PARD3B: variants seen among roughly 807,000 people sequenced by gnomAD.
PARD3B encodes the protein partitioning defective 3 homolog B.
A neutral mutation model predicts 130.2 loss-of-function variants in PARD3B; 103 were observed. The ratio of observed to expected loss-of-function variants is 0.79; its 90% CI spans 0.67 to 0.93. The LOEUF (loss-of-function observed/expected upper bound fraction) is 0.93. PARD3B is among the 40% of genes least tolerant of loss of function. The pLI, the probability that PARD3B is intolerant of heterozygous loss-of-function variation, is 0.00. For missense variants in PARD3B, 1,609 were observed against 1,499.2 expected (o/e 1.07, Z -1.21); for synonymous variants, 583 against 553.2 (o/e 1.05, Z -0.76).
chr2:205,185,709 G>T, intron 13 of PARD3B, 55 bp from the exon 14 acceptor site: 1 of 1,449,618 alleles, frequency 6.9e-7, no homozygotes, highest in Non-Finnish European at 9.7e-7. Context: ...ACCAAACCAG[G>T]CATCGAATGG....
At chr2:205,308,619 AC>A (rs1574658698) in intron 18 of PARD3B, among the ~76,000 whole-genome samples, 3 of 148,726 alleles carry the variant, frequency 2.0e-5, no homozygotes, top group African/African-American at 2.5e-5. Flanking sequence ...AAAAAAAAAA[AC>A]CAAACAACAA....
intron 2 of PARD3B, among the ~76,000 whole-genome samples, chr2:204,877,553 T>C (rs2045892447): frequency 6.6e-6 from 1 of 152,144 alleles, no homozygotes; most frequent in African/African-American, 2.4e-5. Context: ...CCAATGCCTA[T>C]ACTGAGAGAA....
In PARD3B at chr2:205,158,719, C is replaced by A. The variant is rs780650990; in HGVS notation, c.1435-3C>A. The A allele has an allele frequency of 1.2e-6, 2 of 1,607,642 alleles. No individual in the cohort carries two copies. Among genetic ancestry groups the A allele is most frequent in the South Asian group, 2.2e-5 (2 of 90,524 alleles). ...ACTCTTTTCATGTGTATTCCCCTAA[C>A]AGAAAGGAGAACCTGACTGCTGTGC... On this transcript the variant is annotated splice_polypyrimidine_tract_variant and splice_region_variant and intron_variant, in intron 10 of 22. Transcript: ENST00000406610. The surrounding 1 kb of genome is among the most constrained non-coding windows in gnomAD (Gnocchi z 5.4).
intron 4 of PARD3B, among the ~76,000 whole-genome samples, chr2:205,053,106 G>C (rs942865736): frequency 6.6e-5 from 10 of 152,058 alleles, no homozygotes; most frequent in African/African-American, 2.4e-4. Context: ...GTCTTGCTAA[G>C]ATAATATGAT....
Position 205,440,079 on chromosome 2 carries a change from A to G in PARD3B, c.2742-291A>G, listed in dbSNP as rs2047658567. Among the ~76,000 whole-genome samples, 1 of 152,118 alleles carries G rather than the reference A, an allele frequency of 6.6e-6. No individual in the cohort carries two copies. The highest frequency in any genetic ancestry group is 2.4e-5 in the African/African-American group (1 of 41,426). On this transcript the variant is annotated intron_variant, in intron 19 of 22. Transcript: ENST00000406610. This position sits in a 1 kb window ranked among gnomAD's most constrained non-coding sequence, Gnocchi z 4.2. ...AAGCACATGCCATCTGTGGGGAGGG[A>G]ATGTGAATGAAAACAGCCTCTGAAG...
intron 22 of PARD3B, among the ~76,000 whole-genome samples, chr2:205,556,208 C>T (rs1270859957): frequency 6.6e-6 from 1 of 152,166 alleles, no homozygotes; most frequent in Non-Finnish European, 1.5e-5. Flanking sequence ...GGAATAAATC[C>T]ATCTGTAGGA....
intron 2 of PARD3B, among the ~76,000 whole-genome samples, chr2:204,795,799 T>C (rs2042352388): frequency 6.6e-6 from 1 of 152,252 alleles, no homozygotes; most frequent in Non-Finnish European, 1.5e-5. Flanking sequence ...TTTTCTTCTA[T>C]TATAATCAAT....
intron 2 of PARD3B, among the ~76,000 whole-genome samples, chr2:204,727,484 ATGTT>A (rs1200450026): frequency 1.4e-4 from 22 of 152,246 alleles, no homozygotes; most frequent in African/African-American, 4.8e-4. Context: ...TGTCTGTGGA[ATGTT>A]TGTTCTGTCA....
At position 205,279,547 on chromosome 2, in the gene PARD3B, T is replaced by C. The variant is rs147125146; in HGVS notation, c.2186-20983T>C. 2.5e-3 allele frequency among the ~76,000 whole-genome samples: 383 copies of C among 152,336 alleles called. 1 individual carries two copies. The highest frequency in any genetic ancestry group is 4.5e-3 in the Non-Finnish European group (303 of 68,034). ...CAAAGGGGAAGCTAAATGGATGTCA[T>C]ACCATTTAGAACAGAGTTTCTCCTT... On this transcript the variant is annotated intron_variant, in intron 16 of 22. Transcript: ENST00000406610.
At chr2:205,216,929 C>T (rs778465144) in intron 15 of PARD3B, among the ~76,000 whole-genome samples, 2 of 152,082 alleles carry the variant, frequency 1.3e-5, no homozygotes, top group Non-Finnish European at 2.9e-5. Context: ...CTTCACTCTG[C>T]CACTCTTGAC....
chr2:204,692,930 C>G (rs1426130986), intron 2 of PARD3B, among the ~76,000 whole-genome samples: 1 of 152,034 alleles, frequency 6.6e-6, no homozygotes, highest in African/African-American at 2.4e-5. Flanking sequence ...TTATAGAACA[C>G]GATGTCTGTA....
chr2:204,613,226 G>A (rs187177819), intron 1 of PARD3B, among the ~76,000 whole-genome samples: 8 of 152,212 alleles, frequency 5.3e-5, no homozygotes. Flanking sequence ...TATTACAAAG[G>A]TTTGAAATTC....
At chr2:205,444,525 TG>T (rs1293303852) in intron 20 of PARD3B, among the ~76,000 whole-genome samples, 2 of 152,144 alleles carry the variant, frequency 1.3e-5, no homozygotes, top group Non-Finnish European at 2.9e-5. Context: ...GAATGATGCG[TG>T]GTAGCAAGTG....
intron 21 of PARD3B, among the ~76,000 whole-genome samples, chr2:205,523,403 C>A (rs1450943197): frequency 6.6e-6 from 1 of 151,646 alleles, no homozygotes; most frequent in African/African-American, 2.4e-5. Context: ...ACCACCATGC[C>A]CAACTAATTT....
chr2:205,239,435 A>G (rs2039252265), intron 15 of PARD3B, among the ~76,000 whole-genome samples: 1 of 152,218 alleles, frequency 6.6e-6, no homozygotes, highest in African/African-American at 2.4e-5. Flanking sequence ...TGTCATTTGT[A>G]TCTCCTCATT....
chr2:205,236,451 A>G (rs2039066897), intron 15 of PARD3B, among the ~76,000 whole-genome samples: 2 of 152,112 alleles, frequency 1.3e-5, no homozygotes, highest in African/African-American at 4.8e-5. Context: ...CACAGATGAA[A>G]GACTGTGTGA....
At chr2:205,028,258 T>G (rs1483636492) in intron 3 of PARD3B, among the ~76,000 whole-genome samples, 5 of 152,150 alleles carry the variant, frequency 3.3e-5, no homozygotes, top group Non-Finnish European at 7.3e-5. Context: ...CATCTTATAG[T>G]TTTTGATGTA....
At chr2:204,676,663 ATTGT>A (rs1559050605) in intron 1 of PARD3B, among the ~76,000 whole-genome samples, 3 of 118,778 alleles carry the variant, frequency 2.5e-5, no homozygotes, top group African/African-American at 3.0e-5. Context: ...CTACTCTATG[ATTGT>A]TTTTTTTTTT....
chr2:205,292,579 C>A lies in PARD3B; in HGVS notation c.2186-7951C>A, dbSNP rs1384026728. 1.3e-5 allele frequency among the ~76,000 whole-genome samples: 2 copies of A among 152,180 alleles called. No individual in the cohort carries two copies. Among genetic ancestry groups the A allele is most frequent in the Non-Finnish European group, 2.9e-5 (2 of 68,034 alleles). ...AAGCAAAGACCCGCAGAGAACAACT[C>A]ATTTCTCCAAACTCCTGTTCCCTCC... On this transcript the variant is annotated intron_variant, in intron 16 of 22. Coordinates refer to ENST00000406610, the MANE Select transcript of PARD3B (RefSeq NM_001302769.2). The surrounding 1 kb of genome is among the most constrained non-coding windows in gnomAD (Gnocchi z 5.3).
Sources: allele counts gnomAD v4.1 joint callset (sites outside exome capture counted in the v4.1 genomes callset), GRCh38; gene constraint gnomAD v4.1.1; non-coding constraint Gnocchi (gnomAD v3.1); transcripts MANE v1.5; gene names NCBI Gene and HGNC (gene_info 2026-07-23, HGNC 2026-07-21).